The following CLIC5 variants were observed in gnomAD, a reference collection of about 807,000 sequenced individuals.
CLIC5 encodes the protein CLIC family member 5, also known as chloride intracellular channel protein 5.
CLIC5 carries 20 observed loss-of-function variants against 24.7 expected under a neutral mutation model. The ratio of observed to expected loss-of-function variants is 0.81; its 90% CI spans 0.57 to 1.18. The LOEUF (loss-of-function observed/expected upper bound fraction) is 1.18. CLIC5 is among the 50% of genes most tolerant of loss of function. The pLI, the probability that CLIC5 is intolerant of heterozygous loss-of-function variation, is 0.00. For missense variants in CLIC5, 341 were observed against 326.1 expected (o/e 1.05, Z -0.35); for synonymous variants, 159 against 135.6 (o/e 1.17, Z -1.20).
At chr6:45,974,522 T>TAGAGAGAGAGAG (rs58729329) in intron 1 of CLIC5, among the ~76,000 whole-genome samples, 4 of 66,004 alleles carry the variant, frequency 6.1e-5, no homozygotes, top group East Asian at 5.2e-4. Flanking sequence ...TATATATATA[T>TAGAGAGAGAGAG]AGAGAGAGAG....
At chr6:46,106,533 C>T in the CLIC5 span, among the ~76,000 whole-genome samples, 1 of 152,096 alleles carries the variant, frequency 6.6e-6, no homozygotes, top group Non-Finnish European at 1.5e-5. Context: ...TGAGCTTTGC[C>T]CTGAGGTCAG....
chr6:46,089,245 G>A, the CLIC5 span, among the ~76,000 whole-genome samples: 5 of 152,176 alleles, frequency 3.3e-5, no homozygotes, highest in East Asian at 7.7e-4. Context: ...ACTGCATATT[G>A]TTTTAGCAAA....
chr6:46,016,467 C>CTTTCA (rs1229269053), upstream of CLIC5, among the ~76,000 whole-genome samples: 2 of 152,162 alleles, frequency 1.3e-5, no homozygotes, highest in Admixed American at 1.3e-4. Context: ...TGAGTCAACC[C>CTTTCA]GGTCAGGTGC....
intron 1 of CLIC5, among the ~76,000 whole-genome samples, chr6:46,021,121 A>C (rs1767169820): frequency 6.6e-6 from 1 of 151,852 alleles, no homozygotes; most frequent in Admixed American, 6.6e-5. Context: ...CCAGCTAAAA[A>C]AATAGGCAAA....
intron 5 of CLIC5, among the ~76,000 whole-genome samples, chr6:45,903,989 G>A (rs142458330): frequency 3.3e-5 from 5 of 152,190 alleles, no homozygotes; most frequent in East Asian, 1.9e-4. Flanking sequence ...TTCTGTTCTC[G>A]CCCTGGTTTG....
At chr6:45,941,849 G>A (rs1764142886) in intron 3 of CLIC5, among the ~76,000 whole-genome samples, 196 bp from the exon 4 acceptor site, 1 of 152,188 alleles carries the variant, frequency 6.6e-6, no homozygotes, top group Non-Finnish European at 1.5e-5. Context: ...CCAGAGGCCA[G>A]TGAGGTGCTG....
At chr6:46,075,792 T>A (rs1230427741) in intron 1 of CLIC5, among the ~76,000 whole-genome samples, 1 of 152,184 alleles carries the variant, frequency 6.6e-6, no homozygotes, top group African/African-American at 2.4e-5. Flanking sequence ...CCCCTCTCTT[T>A]AACATACATA....
At chr6:46,063,497 G>A (rs1410488131) in intron 1 of CLIC5, among the ~76,000 whole-genome samples, 1 of 152,188 alleles carries the variant, frequency 6.6e-6, no homozygotes, top group African/African-American at 2.4e-5. Flanking sequence ...GAAGGTCAAG[G>A]CAGATAGAAT....
At chr6:46,125,946 T>C in the CLIC5 span, among the ~76,000 whole-genome samples, 1 of 152,218 alleles carries the variant, frequency 6.6e-6, no homozygotes, top group African/African-American at 2.4e-5. Flanking sequence ...CTGAGGCATG[T>C]CCCCATCACT....
At chr6:45,983,768 G>A (rs1220450163) in intron 1 of CLIC5, among the ~76,000 whole-genome samples, 4 of 152,108 alleles carry the variant, frequency 2.6e-5, no homozygotes, top group Non-Finnish European at 4.4e-5. Flanking sequence ...ACCTGCCTTC[G>A]GGCCTGAAAT....
chr6:46,050,541 C>CTA (rs1460279484), intron 1 of CLIC5, among the ~76,000 whole-genome samples: 2 of 152,200 alleles, frequency 1.3e-5, no homozygotes, highest in African/African-American at 4.8e-5. Context: ...GAGTTACTAA[C>CTA]AGATGCCAAA....
chr6:46,114,925 G>A, the CLIC5 span, among the ~76,000 whole-genome samples: 1 of 152,114 alleles, frequency 6.6e-6, no homozygotes. Flanking sequence ...TGAACCAGTG[G>A]GTGACCAGGG....
In CLIC5 at chr6:45,900,582, T is replaced by C. The variant is rs1218120587; in HGVS notation, c.*2506A>G. On this transcript the variant is annotated 3_prime_UTR_variant, in exon 6 of 6. Coordinates refer to ENST00000339561, the MANE Select transcript of CLIC5 (RefSeq NM_016929.5). The stretch of plus-strand genomic sequence containing the variant: ...ATATTATTGTTACTTTAATATACCA[T>C]AATAAATCTAGTCATAAGACACCAT... 6.7e-6 allele frequency: 1 copy of C among 149,218 alleles called. No individual in the cohort carries two copies. The highest frequency in any genetic ancestry group is 1.5e-5 in the Non-Finnish European group (1 of 67,406). 9.2% of individuals were successfully genotyped at this position (149,218 alleles called of 1,614,324 possible). A position where few individuals can be genotyped will look rare whatever the true frequency, so the allele number is the denominator to read the frequency against.
chr6:46,033,016 T>G (rs1767554134), intron 1 of CLIC5, among the ~76,000 whole-genome samples: 1 of 133,078 alleles, frequency 7.5e-6, no homozygotes, highest in African/African-American at 2.9e-5. Flanking sequence ...TGAGATGGAG[T>G]CTTGCTCTGC....
the CLIC5 span, among the ~76,000 whole-genome samples, chr6:46,114,447 T>C: frequency 6.6e-6 from 1 of 152,190 alleles, no homozygotes; most frequent in Admixed American, 6.5e-5. Context: ...AATTTCTCTT[T>C]TGCCCTCTTT....
chr6:46,093,969 C>T, the CLIC5 span, among the ~76,000 whole-genome samples: 33 of 152,226 alleles, frequency 2.2e-4, no homozygotes, highest in African/African-American at 8.0e-4. Context: ...GCAGCATCTG[C>T]TTCTGGGGAA....
At chr6:46,015,936 G>T, upstream of CLIC5, 2 of 994,560 alleles carry the variant, frequency 2.0e-6, no homozygotes, top group Non-Finnish European at 2.4e-6. Context: ...ACGCGGCGGG[G>T]ACACCCCGGC....
At chr6:46,008,310 G>T (rs1216166861) in intron 1 of CLIC5, among the ~76,000 whole-genome samples, 1 of 152,070 alleles carries the variant, frequency 6.6e-6, no homozygotes, top group Non-Finnish European at 1.5e-5. Context: ...ACCTTTGCTG[G>T]ACCTGACATG....
intron 4 of CLIC5, among the ~76,000 whole-genome samples, chr6:45,918,283 C>T (rs1479552146): frequency 6.6e-6 from 1 of 152,162 alleles, no homozygotes; most frequent in African/African-American, 2.4e-5. Flanking sequence ...ATATTGTTTT[C>T]TCGTCGTAGA....
Sources: allele counts gnomAD v4.1 joint callset (sites outside exome capture counted in the v4.1 genomes callset), GRCh38; gene constraint gnomAD v4.1.1; transcripts MANE v1.5; gene names NCBI Gene and HGNC (gene_info 2026-07-23, HGNC 2026-07-21).